Variants in CNNM2 observed in about 807,000 individuals in gnomAD.
The protein encoded by CNNM2 is cyclin and CBS domain divalent metal cation transport mediator 2, also known as metal transporter CNNM2.
A neutral mutation model predicts 66.9 loss-of-function variants in CNNM2; 12 were observed. That is an observed-to-expected ratio of 0.18 (90% CI 0.11 to 0.29). CNNM2 has a LOEUF of 0.29. Among genes scored for constraint, CNNM2 ranks in the 10% least tolerant of loss-of-function variants. CNNM2 has a pLI of 1.00. For missense variants in CNNM2, 705 were observed against 1,167.7 expected (o/e 0.60, Z 5.77); for synonymous variants, 557 against 501.8 (o/e 1.11, Z -1.47).
chr10:102,973,972 C>A (rs371534964), intron 1 of CNNM2, among the ~76,000 whole-genome samples: 3 of 152,208 alleles, frequency 2.0e-5, no homozygotes, highest in African/African-American at 7.2e-5. Flanking sequence ...CATGCAATTG[C>A]TGCTGGTATA....
chr10:103,008,452 G>A (rs2064269920), intron 1 of CNNM2, among the ~76,000 whole-genome samples: 1 of 152,190 alleles, frequency 6.6e-6, no homozygotes, highest in Admixed American at 6.5e-5. Context: ...CTTTGGATTA[G>A]AAATACTCTG....
chr10:103,056,390 C>T (rs967011479), intron 3 of CNNM2, among the ~76,000 whole-genome samples: 4 of 152,102 alleles, frequency 2.6e-5, no homozygotes, highest in Admixed American at 6.5e-5. Context: ...TGTGTGTGTG[C>T]GCTGGCACTA....
intron 1 of CNNM2, among the ~76,000 whole-genome samples, chr10:102,994,228 C>T (rs967379808): frequency 6.6e-6 from 1 of 152,206 alleles, no homozygotes; most frequent in Non-Finnish European, 1.5e-5. Context: ...TGAGCTACCG[C>T]ACCCGGCTCA....
intron 1 of CNNM2, among the ~76,000 whole-genome samples, chr10:102,966,033 G>T (rs1218203829): frequency 6.6e-6 from 1 of 152,156 alleles, no homozygotes; most frequent in Non-Finnish European, 1.5e-5. Flanking sequence ...TGAAATTTGG[G>T]TTTAGTTGAA....
chr10:103,062,833 A>G (rs555802838), intron 4 of CNNM2, among the ~76,000 whole-genome samples: 2 of 152,282 alleles, frequency 1.3e-5, no homozygotes, highest in African/African-American at 4.8e-5. Context: ...TTCCCTGTTA[A>G]ATCCCACTCT....
At chr10:102,935,925 A>C (rs1846224253) in intron 1 of CNNM2, among the ~76,000 whole-genome samples, 1 of 151,712 alleles carries the variant, frequency 6.6e-6, no homozygotes, top group African/African-American at 2.4e-5. Flanking sequence ...GCCTAGCACT[A>C]TAATCCTTGA....
chr10:103,089,803 A>G lies in CNNM2; in HGVS notation c.*12623A>G. The G allele has an allele frequency of 6.2e-7, 1 of 1,614,038 alleles. No homozygotes were observed. The highest frequency in any genetic ancestry group is 8.5e-7 in the Non-Finnish European group (1 of 1,180,004). Reference sequence around the variant, plus strand: ...GACCGTGTCAGCTGGTGCCGCTTGTAGTCAGTGTCTTTGAAATCCACTGAT... The same window carrying G: ...GACCGTGTCAGCTGGTGCCGCTTGTGGTCAGTGTCTTTGAAATCCACTGAT... On this transcript the variant is annotated 3_prime_UTR_variant, in exon 8 of 8. Coordinates refer to ENST00000369878, the MANE Select transcript of CNNM2 (RefSeq NM_017649.5).
intron 1 of CNNM2, among the ~76,000 whole-genome samples, chr10:102,944,772 A>G (rs1846550534): frequency 6.6e-6 from 1 of 152,108 alleles, no homozygotes. Flanking sequence ...GTCAGTACAA[A>G]CATATTATCT....
At chr10:103,041,807 C>T (rs2065044927) in intron 1 of CNNM2, among the ~76,000 whole-genome samples, 1 of 152,116 alleles carries the variant, frequency 6.6e-6, no homozygotes, top group African/African-American at 2.4e-5. Flanking sequence ...TTCCTGCTGG[C>T]CACTCTTTCT....
intron 1 of CNNM2, among the ~76,000 whole-genome samples, chr10:103,027,994 A>G (rs1157196874): frequency 6.6e-6 from 1 of 152,186 alleles, no homozygotes; most frequent in Admixed American, 6.5e-5. Flanking sequence ...TACTTGTCTA[A>G]TTTTAAAGTT....
intron 1 of CNNM2, among the ~76,000 whole-genome samples, chr10:103,018,158 A>G (rs569539418): frequency 1.5e-3 from 229 of 152,160 alleles, no homozygotes; most frequent in Non-Finnish European, 2.9e-3. Context: ...GGTGAGACAA[A>G]GAGATCAGTA....
At position 102,919,873 on chromosome 10, in the gene CNNM2, C is replaced by T. The variant is rs1845556378; in HGVS notation, c.1393C>T (p.Leu465=). The T allele has an allele frequency of 6.2e-7, 1 of 1,614,096 alleles. No individual in the cohort carries two copies. The highest frequency in any genetic ancestry group is 1.3e-5 in the African/African-American group (1 of 74,924). ...CTTCATGATCACCGGCGAAGCCATC[C>T]TGGACTTCAACACCATGTCTGAGAT... ...DCFMITGEAI[L]DFNTMSEIME... is the part of the protein sequence containing the mutation. The change falls in exon 1 of 8, where the codon CTG becomes TTG. Residue 465 remains leucine (L), a synonymous_variant. Coordinates refer to ENST00000369878, the MANE Select transcript of CNNM2 (RefSeq NM_017649.5).
intron 1 of CNNM2, among the ~76,000 whole-genome samples, chr10:103,036,508 A>G (rs554273183): frequency 6.6e-6 from 1 of 152,358 alleles, no homozygotes; most frequent in Admixed American, 6.5e-5. Context: ...TCATCAACAC[A>G]TTGGGAGAAG....
At chr10:102,959,207 C>T (rs529402582) in intron 1 of CNNM2, among the ~76,000 whole-genome samples, 3 of 151,638 alleles carry the variant, frequency 2.0e-5, no homozygotes, top group African/African-American at 7.3e-5. Flanking sequence ...GTGCTGATTA[C>T]AGGCCTCGGC....
In CNNM2 at chr10:103,039,545, A is replaced by G. The variant is rs150707980; in HGVS notation, c.1622-10162A>G. Among the ~76,000 whole-genome samples the G allele has an allele frequency of 1.9e-3, 290 of 152,292 alleles. 4 individuals carry two copies. The highest frequency in any genetic ancestry group is 2.7e-3 in the East Asian group (14 of 5,188). On this transcript the variant is annotated intron_variant, in intron 1 of 7. Coordinates refer to ENST00000369878, the MANE Select transcript of CNNM2 (RefSeq NM_017649.5). ...CTGAGTGTTTGTTACGTGGCTTGTA[A>G]TTCAGGGTTTATTTTTCTTTGGGTT...
At chr10:102,955,734 CAAAAG>C (rs1052542998) in intron 1 of CNNM2, among the ~76,000 whole-genome samples, 2 of 152,060 alleles carry the variant, frequency 1.3e-5, no homozygotes, top group Non-Finnish European at 2.9e-5. Context: ...AGACACTTCT[CAAAAG>C]AAGACATTTA....
chr10:103,024,660 A>G (rs183500241), intron 1 of CNNM2, among the ~76,000 whole-genome samples: 1 of 151,828 alleles, frequency 6.6e-6, no homozygotes, highest in South Asian at 2.1e-4. Flanking sequence ...TTGTATTTTT[A>G]GTAGAGATGG....
Position 102,918,572 on chromosome 10 carries a change from G to T in CNNM2, c.92G>T (p.Arg31Leu), listed in dbSNP as rs1330855833. Reference protein sequence around the residue: ...ALPTWKMAARRSLSARGRGIL... With the variant: ...ALPTWKMAARLSLSARGRGIL... ...CCCACTTGGAAGATGGCGGCGCGCC[G>T]CAGCCTCAGCGCTCGCGGCCGGGGG... Residue 31 changes from arginine (R) to leucine (L), a missense_variant, in exon 1 of 8, where the codon CGC (arginine) becomes CTC (leucine). Arg to Leu is a moderately radical substitution (Grantham distance 102). Coordinates refer to ENST00000369878, the MANE Select transcript of CNNM2 (RefSeq NM_017649.5). This position sits in a 1 kb window ranked among gnomAD's most constrained non-coding sequence, Gnocchi z 4.1. The T allele has an allele frequency of 6.3e-7, 1 of 1,580,728 alleles. No homozygotes were observed. Among genetic ancestry groups the T allele is most frequent in the South Asian group, 1.1e-5 (1 of 87,338 alleles).
chr10:103,004,969 T>C (rs538705459), intron 1 of CNNM2, among the ~76,000 whole-genome samples: 10 of 152,174 alleles, frequency 6.6e-5, no homozygotes, highest in Non-Finnish European at 1.5e-4. Context: ...CCCTCCATTA[T>C]TGAATGGTCT....
Sources: gnomAD v4.1 joint callset for allele counts (sites outside exome capture counted in the v4.1 genomes callset) on GRCh38, gnomAD v4.1.1 for gene constraint, Gnocchi (gnomAD v3.1) non-coding constraint, MANE v1.5 for transcripts, NCBI Gene and HGNC (gene_info 2026-07-23, HGNC 2026-07-21) for gene names.